Variants in CELF1 observed in about 807,000 individuals in gnomAD.
CELF1 encodes the protein CUGBP Elav-like family member 1.
Under a neutral mutation model 61.8 loss-of-function variants are expected in CELF1, and 10 were observed. The observed-to-expected ratio is 0.16, with a 90% CI of 0.10 to 0.27. CELF1 has a LOEUF of 0.27. Among genes scored for constraint, CELF1 ranks in the 10% least tolerant of loss-of-function variants. CELF1 has a pLI of 1.00. For missense variants in CELF1, 380 were observed against 639.1 expected, an observed-to-expected ratio of 0.59 and a Z score of 4.37; for synonymous variants, 236 against 225.1, an observed-to-expected ratio of 1.05 and a Z score of -0.43.
rs184768109 is a variant in CELF1 at position 47,470,884 on chromosome 11, T to A, written c.*1346A>T. The A allele has an allele frequency of 6.6e-6, 1 of 152,256 alleles. No homozygotes were observed. The highest frequency in any genetic ancestry group is 1.5e-5 in the Non-Finnish European group (1 of 68,074). The allele number at this position is 152,256 out of a possible 1,614,324, so 9.4% of individuals were successfully genotyped here. A position where few individuals can be genotyped will look rare whatever the true frequency, so the allele number is the denominator to read the frequency against. ...TGTGGGTCACAGGCAAGAGCTGAAGTAAGACCTGCAAGAGGCGGCAGGGAG... is the reference window on the plus strand; with the variant it reads ...TGTGGGTCACAGGCAAGAGCTGAAGAAAGACCTGCAAGAGGCGGCAGGGAG... On this transcript the variant is annotated 3_prime_UTR_variant, in exon 15 of 15. Coordinates refer to ENST00000687097, the MANE Select transcript of CELF1 (RefSeq NM_001376376.1).
At chr11:47,516,294 G>C (rs1415318002) in intron 1 of CELF1, among the ~76,000 whole-genome samples, 1 of 152,182 alleles carries the variant, frequency 6.6e-6, no homozygotes, top group African/African-American at 2.4e-5. Context: ...GTGAGTGAAA[G>C]TAATGCTCTA....
At chr11:47,534,715 G>A (rs772148354) in intron 1 of CELF1, among the ~76,000 whole-genome samples, 2 of 152,088 alleles carry the variant, frequency 1.3e-5, no homozygotes, top group Admixed American at 6.6e-5. Flanking sequence ...GCGACAGAGC[G>A]AGACTCCATC....
chr11:47,550,275 A>C (rs1380829243), intron 1 of CELF1, among the ~76,000 whole-genome samples: 1 of 152,024 alleles, frequency 6.6e-6, no homozygotes, highest in African/African-American at 2.4e-5. Flanking sequence ...TTACACCTAT[A>C]ATCCTAGTAC....
intron 12 of CELF1, among the ~76,000 whole-genome samples, chr11:47,475,774 G>A (rs1175211280): frequency 6.6e-6 from 1 of 152,134 alleles, no homozygotes; most frequent in African/African-American, 2.4e-5. Flanking sequence ...TCTGTGGAAT[G>A]AGAGCCTCCA....
chr11:47,521,525 T>C (rs995996999), intron 1 of CELF1, among the ~76,000 whole-genome samples: 1 of 152,212 alleles, frequency 6.6e-6, no homozygotes, highest in Non-Finnish European at 1.5e-5. Context: ...ACTGGGGAAA[T>C]TGTTTAACTT....
intron 1 of CELF1, among the ~76,000 whole-genome samples, chr11:47,518,605 GTCTC>G (rs1386162641): frequency 6.6e-6 from 1 of 152,144 alleles, no homozygotes; most frequent in East Asian, 1.9e-4. Context: ...GTAATATCTT[GTCTC>G]TCTCTCCCTT....
At chr11:47,503,800 G>A (rs2094203331) in intron 1 of CELF1, among the ~76,000 whole-genome samples, 1 of 152,158 alleles carries the variant, frequency 6.6e-6, no homozygotes, top group Non-Finnish European at 1.5e-5. Context: ...GTAAAATATG[G>A]TGACACAAAC....
At position 47,475,281 on chromosome 11, in the gene CELF1, G is replaced by A. The variant is rs563087295; in HGVS notation, c.1273+55C>T. 1.0e-5 allele frequency: 16 copies of A among 1,557,586 alleles called. No individual in the cohort carries two copies. The South Asian group carries it at 1.7e-4, about 16-fold the overall frequency. ...AGCCTTTGCTCTGCCTTTCCGTTCTGGTATAGGAGGAAAACCGCCCCCCAT... is the reference window on the plus strand; with the variant it reads ...AGCCTTTGCTCTGCCTTTCCGTTCTAGTATAGGAGGAAAACCGCCCCCCAT... On this transcript the variant is annotated intron_variant, in intron 13 of 14. Coordinates refer to ENST00000687097, the MANE Select transcript of CELF1 (RefSeq NM_001376376.1).
intron 3 of CELF1, among the ~76,000 whole-genome samples, chr11:47,495,378 G>A (rs2092877089): frequency 6.6e-6 from 1 of 152,168 alleles, no homozygotes; most frequent in Non-Finnish European, 1.5e-5. Context: ...GCTTAGGAAT[G>A]GGGATGGGGG....
chr11:47,522,489 C>T (rs546287554), intron 1 of CELF1, among the ~76,000 whole-genome samples: 2 of 151,640 alleles, frequency 1.3e-5, no homozygotes, highest in East Asian at 3.9e-4. Flanking sequence ...CATTGCACTC[C>T]AGCCTTGGTG....
intron 1 of CELF1, among the ~76,000 whole-genome samples, chr11:47,536,019 C>T (rs770846280): frequency 3.3e-5 from 5 of 152,162 alleles, no homozygotes; most frequent in Non-Finnish European, 7.4e-5. Context: ...GCCTCAGCCT[C>T]CCAAGGTGCT....
intron 1 of CELF1, among the ~76,000 whole-genome samples, chr11:47,506,435 A>C (rs2094505641): frequency 6.8e-6 from 1 of 147,408 alleles, no homozygotes; most frequent in African/African-American, 2.7e-5. Flanking sequence ...GCTCAAAAAA[A>C]AGAAAAAAAA....
At chr11:47,563,636 T>C (rs2097233779) in intron 2 of CELF1, among the ~76,000 whole-genome samples, 1 of 147,560 alleles carries the variant, frequency 6.8e-6, no homozygotes, top group African/African-American at 2.5e-5. Flanking sequence ...TTGCAGTGAG[T>C]GGAGATGGCG....
At chr11:47,545,314 C>A (rs2096904821) in intron 1 of CELF1, among the ~76,000 whole-genome samples, 1 of 152,076 alleles carries the variant, frequency 6.6e-6, no homozygotes, top group Non-Finnish European at 1.5e-5. Flanking sequence ...CCTATAATCC[C>A]AGCTGCTTGA....
intron 1 of CELF1, among the ~76,000 whole-genome samples, chr11:47,519,095 C>T (rs2095714718): frequency 6.6e-6 from 1 of 152,194 alleles, no homozygotes; most frequent in African/African-American, 2.4e-5. Context: ...AAATTTTGTA[C>T]CTCTGCTTCA....
In CELF1 at chr11:47,477,341, G is replaced by A. The variant is rs757577626; in HGVS notation, c.929C>T (p.Ala310Val). ...AAQNTPSGTN[A>V]LTTSSSPLSV... ...GAGGGGACTGCTGGATGTAGTGAGA[G>A]CATTGGTACCACTTGGTGTGTTCTG... The change falls in exon 11 of 15, where the codon GCT (alanine) becomes GTT (valine). Residue 310 changes from alanine to valine, a missense_variant. Transcript: ENST00000687097. 6 of 1,613,952 alleles carry A rather than the reference G, an allele frequency of 3.7e-6. No homozygotes were observed. The highest frequency in any genetic ancestry group is 5.1e-6 in the Non-Finnish European group (6 of 1,179,842).
intron 7 of CELF1, 35 bp downstream of exon 7, chr11:47,484,354 A>C: frequency 6.3e-7 from 1 of 1,587,256 alleles, no homozygotes; most frequent in East Asian, 2.2e-5. Flanking sequence ...CAAAACAAAA[A>C]ACCAAAAGAT....
At chr11:47,521,298 T>C (rs1247253345) in intron 1 of CELF1, among the ~76,000 whole-genome samples, 1 of 152,190 alleles carries the variant, frequency 6.6e-6, no homozygotes, top group African/African-American at 2.4e-5. Flanking sequence ...GTACAGTTGA[T>C]GGTGATCTGC....
upstream of CELF1, among the ~76,000 whole-genome samples, chr11:47,556,266 C>A (rs1363509565): frequency 6.6e-6 from 1 of 152,154 alleles, no homozygotes; most frequent in African/African-American, 2.4e-5. Flanking sequence ...TTCACAGCAA[C>A]CTTGAACTCC....
Sources: allele counts gnomAD v4.1 joint callset (sites outside exome capture counted in the v4.1 genomes callset), GRCh38; gene constraint gnomAD v4.1.1; transcripts MANE v1.5; gene names NCBI Gene and HGNC (gene_info 2026-07-23, HGNC 2026-07-21).